Variants in ZNF644 observed in about 807,000 individuals in gnomAD.
The protein encoded by ZNF644 is zinc finger protein 644.
In ZNF644, 20 loss-of-function variants were observed where a neutral mutation model predicts 108.0. That is an observed-to-expected ratio of 0.19 (90% confidence interval 0.13 to 0.27). The LOEUF is 0.27. Among genes scored for constraint, ZNF644 ranks in the 10% least tolerant of loss-of-function variants. The pLI, the probability that ZNF644 is intolerant of heterozygous loss-of-function variation, is 1.00. For synonymous variants in ZNF644, 542 were observed against 539.1 expected (o/e 1.01, Z -0.08); for missense variants, 1,338 against 1,548.9 (o/e 0.86, Z 2.29).
chr1:90,927,760 A>G (rs1399873885), intron 4 of ZNF644, among the ~76,000 whole-genome samples: 1 of 152,130 alleles, frequency 6.6e-6, no homozygotes, highest in Non-Finnish European at 1.5e-5. Flanking sequence ...TTAAAATATA[A>G]GTTTAACCAT....
rs1351348800 is a variant in ZNF644 at position 90,939,532 on chromosome 1, A to G, written c.1822T>C (p.Leu608=). The G allele has an allele frequency of 1.9e-6, 3 of 1,613,994 alleles. No individual in the cohort carries two copies. ...GAATCAACACATGATGATGAATGCA[A>G]GTACTCCGTGTGCTTTTTTAAAACA... ...KSVLKKHTEY[L]HSSSCVDSFG... Residue 608 remains leucine (L), a synonymous_variant, in exon 3 of 6, where the codon TTG becomes CTG. Transcript: ENST00000337393.
chr1:90,956,298 G>C (rs1257355792), intron 2 of ZNF644, among the ~76,000 whole-genome samples: 1 of 152,240 alleles, frequency 6.6e-6, no homozygotes, highest in Non-Finnish European at 1.5e-5. Flanking sequence ...ATGAGCATAT[G>C]TTGTTGAGAA....
At chr1:91,012,106 T>C (rs1025742361) in intron 1 of ZNF644, among the ~76,000 whole-genome samples, 1 of 151,860 alleles carries the variant, frequency 6.6e-6, no homozygotes, top group African/African-American at 2.4e-5. Context: ...ATTTTGTCAC[T>C]GGGGGGAAAA....
At chr1:91,016,742 G>A (rs1048978670) in intron 1 of ZNF644, among the ~76,000 whole-genome samples, 3 of 152,204 alleles carry the variant, frequency 2.0e-5, no homozygotes, top group African/African-American at 7.2e-5. Context: ...TTTGTAAAGT[G>A]TAAAGAATTT....
intron 1 of ZNF644, among the ~76,000 whole-genome samples, chr1:91,009,666 A>T (rs1659756781): frequency 6.6e-6 from 1 of 152,200 alleles, no homozygotes; most frequent in South Asian, 2.1e-4. Flanking sequence ...TTCAGCATAC[A>T]AGTACAAGCT....
chr1:91,015,743 CCTTGT>C (rs572668767), intron 1 of ZNF644, among the ~76,000 whole-genome samples: 46 of 152,284 alleles, frequency 3.0e-4, no homozygotes, highest in South Asian at 1.7e-3. Context: ...TCTATAACAA[CCTTGT>C]CTTTATCGGC....
chr1:91,006,794 T>TG (rs77758245), intron 1 of ZNF644, among the ~76,000 whole-genome samples: 18,425 of 151,960 alleles, frequency 0.12, 1,142 homozygotes, highest in South Asian at 0.16. Flanking sequence ...ACTTTCTGGA[T>TG]CCCCCCTCTT....
chr1:90,991,228 GTTATC>G (rs1453674198), intron 1 of ZNF644, among the ~76,000 whole-genome samples: 1 of 152,178 alleles, frequency 6.6e-6, no homozygotes, highest in Non-Finnish European at 1.5e-5. Flanking sequence ...GGCACAAAGA[GTTATC>G]ACTACACAGC....
intron 1 of ZNF644, among the ~76,000 whole-genome samples, chr1:91,010,207 C>T (rs1200554089): frequency 6.7e-6 from 1 of 150,074 alleles, no homozygotes; most frequent in Non-Finnish European, 1.5e-5. Flanking sequence ...AAGGAAAACG[C>T]TTGCATTCCA....
In ZNF644 at chr1:90,954,411, CT is replaced by C. The variant is rs907082184; in HGVS notation, c.45-13103del. 3.5e-3 allele frequency among the ~76,000 whole-genome samples: 513 copies of C among 145,414 alleles called. 2 individuals carry two copies. Among genetic ancestry groups the C allele is most frequent in the African/African-American group, 9.2e-3 (368 of 40,058 alleles). ...AATTCAGTTACATCTTCAGGTTCCA[CT>C]TTTTTTTTTTTTGAGACAGAGTCTC... is the stretch of plus-strand genomic sequence containing the variant. On this transcript the variant is annotated intron_variant, in intron 2 of 5. Transcript: ENST00000337393.
intron 4 of ZNF644, among the ~76,000 whole-genome samples, chr1:90,931,986 G>T (rs1403315008): frequency 6.6e-6 from 1 of 152,100 alleles, no homozygotes; most frequent in Non-Finnish European, 1.5e-5. Flanking sequence ...ACAAATAAGT[G>T]CATGTTTCTG....
At chr1:90,942,205 T>A (rs886278298) in intron 2 of ZNF644, among the ~76,000 whole-genome samples, 1 of 152,182 alleles carries the variant, frequency 6.6e-6, no homozygotes, top group Non-Finnish European at 1.5e-5. Context: ...TACAATAGAA[T>A]AGCATAAACA....
intron 2 of ZNF644, among the ~76,000 whole-genome samples, chr1:90,980,259 G>C (rs1375487410): frequency 6.6e-6 from 1 of 152,182 alleles, no homozygotes; most frequent in Non-Finnish European, 1.5e-5. Flanking sequence ...CTTCAGATAG[G>C]CTATTTCAGA....
intron 4 of ZNF644, among the ~76,000 whole-genome samples, chr1:90,927,153 T>A (rs13376088): frequency 0.013 from 1,931 of 151,496 alleles, 39 homozygotes; most frequent in African/African-American, 0.044. Context: ...GCCTTGGGAG[T>A]TCCTAGTCTA....
chr1:90,916,700 C>T lies in ZNF644; in HGVS notation c.*98G>A, dbSNP rs1022286025. 4 of 1,364,832 alleles carry T rather than the reference C, an allele frequency of 2.9e-6. No homozygotes were observed. Among genetic ancestry groups the T allele is most frequent in the African/African-American group, 1.5e-5 (1 of 68,960 alleles). 84.5% of individuals were successfully genotyped at this position (1,364,832 alleles called of 1,614,324 possible). On this transcript the variant is annotated 3_prime_UTR_variant, in exon 6 of 6. Coordinates refer to ENST00000337393, the MANE Select transcript of ZNF644 (RefSeq NM_201269.3). ...AATTCACTTTCCCCCCATTTTCCTG[C>T]TTTAGTATTTATAAACAGATAATTT...
chr1:90,944,421 G>T (rs541821000), intron 2 of ZNF644, among the ~76,000 whole-genome samples: 1 of 151,956 alleles, frequency 6.6e-6, no homozygotes. Flanking sequence ...AAAAAAATCC[G>T]ATTAAATATT....
chr1:90,930,094 C>A (rs1236726772), intron 4 of ZNF644, among the ~76,000 whole-genome samples: 1 of 152,230 alleles, frequency 6.6e-6, no homozygotes, highest in Non-Finnish European at 1.5e-5. Flanking sequence ...CGAGACCAGC[C>A]TGACCAACAT....
At chr1:90,951,285 T>C (rs1653136764) in intron 2 of ZNF644, among the ~76,000 whole-genome samples, 1 of 152,144 alleles carries the variant, frequency 6.6e-6, no homozygotes, top group Admixed American at 6.5e-5. Context: ...CTCCCTGTTT[T>C]TCTCAGATAA....
At chr1:90,931,165 G>A (rs910044401) in intron 4 of ZNF644, among the ~76,000 whole-genome samples, 1 of 151,774 alleles carries the variant, frequency 6.6e-6, no homozygotes, top group Admixed American at 6.6e-5. Context: ...AATATGGCTA[G>A]CATAAAAATA....
Sources: gnomAD v4.1 joint callset for allele counts (sites outside exome capture counted in the v4.1 genomes callset) on GRCh38, gnomAD v4.1.1 for gene constraint, MANE v1.5 for transcripts, NCBI Gene and HGNC (gene_info 2026-07-23, HGNC 2026-07-21) for gene names.